The following DCLK2 variants were observed in gnomAD, a reference collection of about 807,000 sequenced individuals.
DCLK2 encodes the protein doublecortin like kinase 2.
Under a neutral mutation model 78.4 loss-of-function variants are expected in DCLK2, and 31 were observed. The ratio of observed to expected loss-of-function variants is 0.40; its 90% CI spans 0.30 to 0.53. The LOEUF (loss-of-function observed/expected upper bound fraction) is 0.53. DCLK2 is among the 20% of genes least tolerant of loss of function. The pLI, the probability that DCLK2 is intolerant of heterozygous loss-of-function variation, is 0.61. For synonymous variants in DCLK2, 407 were observed against 374.9 expected, an observed-to-expected ratio of 1.09 and a Z score of -0.99; for missense variants, 872 against 973.7, an observed-to-expected ratio of 0.90 and a Z score of 1.39.
At chr4:150,176,013 A>G (rs1001083361) in intron 2 of DCLK2, among the ~76,000 whole-genome samples, 1 of 152,210 alleles carries the variant, frequency 6.6e-6, no homozygotes, top group East Asian at 1.9e-4. Flanking sequence ...GCAACCAGCT[A>G]TGGCAGAAGA....
intron 4 of DCLK2, chr4:150,198,934 G>T: frequency 1.2e-6 from 1 of 801,214 alleles, no homozygotes; most frequent in South Asian, 1.8e-5. Context: ...TTTCTGTAGG[G>T]CAGGTCGTTT....
At chr4:150,242,936 T>A (rs1743033812) in intron 12 of DCLK2, among the ~76,000 whole-genome samples, 1 of 151,050 alleles carries the variant, frequency 6.6e-6, no homozygotes. Context: ...AGAAGGGGAA[T>A]GCATCTTGAT....
intron 2 of DCLK2, among the ~76,000 whole-genome samples, chr4:150,162,538 G>A (rs888995835): frequency 6.6e-6 from 1 of 152,066 alleles, no homozygotes; most frequent in East Asian, 1.9e-4. Flanking sequence ...TAAATATCTA[G>A]ATATTTTAAA....
At chr4:150,097,527 A>G (rs974998123) in intron 1 of DCLK2, among the ~76,000 whole-genome samples, 2 of 152,198 alleles carry the variant, frequency 1.3e-5, no homozygotes, top group African/African-American at 4.8e-5. Flanking sequence ...TGGTTGAGTA[A>G]GGATGAAAGT....
intron 10 of DCLK2, among the ~76,000 whole-genome samples, chr4:150,236,402 C>G (rs908356353): frequency 1.2e-4 from 18 of 152,160 alleles, no homozygotes; most frequent in African/African-American, 4.3e-4. Flanking sequence ...TGACTAGTAA[C>G]CTGAGTGCTG....
chr4:150,243,194 T>C (rs1454555282), intron 12 of DCLK2, among the ~76,000 whole-genome samples: 1 of 152,166 alleles, frequency 6.6e-6, no homozygotes, highest in Non-Finnish European at 1.5e-5. Flanking sequence ...GGGAGCAGCT[T>C]TTTTGTGGGG....
intron 10 of DCLK2, 121 bp from the exon 11 acceptor site, chr4:150,239,621 A>C: frequency 1.7e-5 from 22 of 1,306,156 alleles, no homozygotes; most frequent in Non-Finnish European, 2.1e-5. Flanking sequence ...AATCACAAGG[A>C]GAGATTTCAT....
chr4:150,082,445 C>G (rs1729368374), intron 1 of DCLK2, among the ~76,000 whole-genome samples: 1 of 152,246 alleles, frequency 6.6e-6, no homozygotes, highest in African/African-American at 2.4e-5. Context: ...TTGCATGGCC[C>G]AAATTATTTT....
At chr4:150,228,790 G>T (rs2126557933) in intron 8 of DCLK2, among the ~76,000 whole-genome samples, 1 of 152,282 alleles carries the variant, frequency 6.6e-6, no homozygotes, top group East Asian at 1.9e-4. Flanking sequence ...ACTTTGGGAG[G>T]CCGAGGCGGG....
At chr4:150,204,728 C>T (rs1739716335) in intron 5 of DCLK2, among the ~76,000 whole-genome samples, 1 of 151,982 alleles carries the variant, frequency 6.6e-6, no homozygotes, top group South Asian at 2.1e-4. Context: ...CCTGACTCTA[C>T]TAAAAATACA....
In DCLK2 at chr4:150,232,690, T is replaced by G; in HGVS notation, c.1428T>G (p.Asp476Glu). The G allele has an allele frequency of 6.2e-7, 1 of 1,614,054 alleles. No homozygotes were observed. Among genetic ancestry groups the G allele is most frequent in the Non-Finnish European group, 8.5e-7 (1 of 1,179,950 alleles). ...TTTTATGTATCGTTTAGGGTGGAGA[T>G]CTCTTTGATGCAATTACTTCGTCGA... ...FLVMELVKGG[D>E]LFDAITSSTK... is the part of the protein sequence containing the mutation. Residue 476 changes from aspartate to glutamate, a missense_variant, in exon 10 of 16, where the codon GAT (aspartate) becomes GAG (glutamate). Physicochemically the swap from Asp to Glu is conservative, Grantham distance 45. Transcript: ENST00000296550.
chr4:150,118,085 T>A (rs1732235874), intron 2 of DCLK2, among the ~76,000 whole-genome samples: 1 of 152,034 alleles, frequency 6.6e-6, no homozygotes, highest in South Asian at 2.1e-4. Context: ...CCAGGAAGTG[T>A]GATTCTGGAC....
intron 1 of DCLK2, among the ~76,000 whole-genome samples, chr4:150,097,362 C>T (rs1484021066): frequency 1.3e-5 from 2 of 152,062 alleles, no homozygotes; most frequent in East Asian, 3.9e-4. Context: ...AGGGTTTTAC[C>T]ATGTTGGTGA....
chr4:150,245,074 G>A (rs1743201909), intron 12 of DCLK2, among the ~76,000 whole-genome samples: 1 of 151,956 alleles, frequency 6.6e-6, no homozygotes, highest in African/African-American at 2.4e-5. Flanking sequence ...ATATGTTGGA[G>A]CCCTCTGGTT....
intron 5 of DCLK2, among the ~76,000 whole-genome samples, 162 bp from the exon 6 acceptor site, chr4:150,220,541 T>C (rs1191047165): frequency 6.6e-6 from 1 of 152,238 alleles, no homozygotes; most frequent in Non-Finnish European, 1.5e-5. Context: ...AATGCACTGA[T>C]GTGATGTGCA....
At chr4:150,091,138 T>C (rs28555093) in intron 1 of DCLK2, among the ~76,000 whole-genome samples, 58,029 of 152,062 alleles carry the variant, frequency 0.38, 11,309 homozygotes, top group Non-Finnish European at 0.42. Flanking sequence ...TTTTCTTAGC[T>C]AGCTGGATGT....
chr4:150,079,389 G>T lies in DCLK2; in HGVS notation c.362G>T (p.Arg121Leu). 3 of 1,586,024 alleles carry T rather than the reference G, an allele frequency of 1.9e-6. No individual in the cohort carries two copies. The highest frequency in any genetic ancestry group is 2.6e-6 in the Non-Finnish European group (3 of 1,166,494). The change falls in exon 1 of 16, where the codon CGC becomes CTC. Residue 121 changes from arginine (R) to leucine (L), a missense_variant. Around this residue, in one of 3 missense-constraint regions of DCLK2, gnomAD observed 567 missense variants for 593.4 expected, o/e 0.96. Transcript: ENST00000296550. ...AACGTGAACCTGCCCCAGGGTGTCCGCACTATCTACACCATCGACGGCAGC... is the reference window on the plus strand; with the variant it reads ...AACGTGAACCTGCCCCAGGGTGTCCTCACTATCTACACCATCGACGGCAGC... ...SDNVNLPQGV[R>L]TIYTIDGSRK...
chr4:150,137,929 C>T (rs79515903), intron 2 of DCLK2, among the ~76,000 whole-genome samples: 1,677 of 152,238 alleles, frequency 0.011, 28 homozygotes, highest in African/African-American at 0.038. Context: ...TTTCAGCTAC[C>T]ATCTAGTCAG....
chr4:150,212,157 G>A (rs1740368354), intron 5 of DCLK2, among the ~76,000 whole-genome samples: 1 of 152,174 alleles, frequency 6.6e-6, no homozygotes, highest in African/African-American at 2.4e-5. Context: ...CTTGCCGGTT[G>A]AAAGAAGGAA....
Sources: gnomAD v4.1 joint callset for allele counts (sites outside exome capture counted in the v4.1 genomes callset) on GRCh38, gnomAD v4.1.1 for gene constraint, gnomAD v4.1.1 regional missense constraint, MANE v1.5 for transcripts, NCBI Gene and HGNC (gene_info 2026-07-23, HGNC 2026-07-21) for gene names.